The following ADAM23 variants were observed in gnomAD, a reference collection of about 807,000 sequenced individuals.
The protein encoded by ADAM23 is ADAM metallopeptidase domain 23, also known as disintegrin and metalloproteinase domain-containing protein 23.
ADAM23 carries 33 observed loss-of-function variants against 120.1 expected under a neutral mutation model. That is an observed-to-expected ratio of 0.27 (90% CI 0.21 to 0.37). The LOEUF (loss-of-function observed/expected upper bound fraction) is 0.37, where lower values mean the gene tolerates loss of function less well. Among genes scored for constraint, ADAM23 ranks in the 10% least tolerant of loss-of-function variants. The pLI, the probability that ADAM23 is intolerant of heterozygous loss-of-function variation, is 1.00. For missense variants in ADAM23, 862 were observed against 1,058.2 expected (o/e 0.81, Z 2.57); for synonymous variants, 367 against 375.2 (o/e 0.98, Z 0.25).
intron 3 of ADAM23, among the ~76,000 whole-genome samples, chr2:206,506,949 G>A (rs1405480528): frequency 1.3e-5 from 2 of 152,126 alleles, no homozygotes; most frequent in Non-Finnish European, 2.9e-5. Flanking sequence ...GAAAAAGAGT[G>A]GGATGGCTGA....
chr2:206,471,255 G>A (rs908334778), intron 2 of ADAM23, among the ~76,000 whole-genome samples: 1 of 152,272 alleles, frequency 6.6e-6, no homozygotes, highest in South Asian at 2.1e-4. Context: ...AAAATGAACT[G>A]TATAATTACT....
intron 21 of ADAM23, among the ~76,000 whole-genome samples, chr2:206,589,741 T>C (rs1379017773): frequency 6.6e-6 from 1 of 152,204 alleles, no homozygotes. Context: ...TTCAGAAAAT[T>C]TCTCAGGTGC....
chr2:206,598,360 C>A (rs1199698138), intron 24 of ADAM23, among the ~76,000 whole-genome samples: 2 of 152,036 alleles, frequency 1.3e-5, no homozygotes, highest in African/African-American at 4.8e-5. Context: ...AATATCTATT[C>A]CCTGTTCCTT....
At chr2:206,501,937 G>A (rs1158677691) in intron 3 of ADAM23, among the ~76,000 whole-genome samples, 1 of 152,052 alleles carries the variant, frequency 6.6e-6, no homozygotes, top group East Asian at 1.9e-4. Flanking sequence ...GAATTGAAAT[G>A]CAGTAACACA....
chr2:206,598,521 C>G lies in ADAM23; in HGVS notation c.2359+2359C>G, dbSNP rs1231955978. Among the ~76,000 whole-genome samples the G allele has an allele frequency of 2.6e-5, 4 of 152,152 alleles. No homozygotes were observed. The East Asian group carries it at 5.8e-4, about 22-fold the overall frequency. Reference sequence around the variant, plus strand: ...CCACACTACCTTTAAAAAAAAATAACTTTTTTGATCCTTCAAGTAATACAT... The same window carrying G: ...CCACACTACCTTTAAAAAAAAATAAGTTTTTTGATCCTTCAAGTAATACAT... On this transcript the variant is annotated intron_variant, in intron 24 of 25. Transcript: ENST00000264377.
intron 18 of ADAM23, among the ~76,000 whole-genome samples, chr2:206,576,663 T>G (rs1698122453): frequency 6.6e-6 from 1 of 152,182 alleles, no homozygotes; most frequent in Non-Finnish European, 1.5e-5. Flanking sequence ...ACTCTGAGAA[T>G]CAGTATTTAC....
At position 206,610,424 on chromosome 2, in the gene ADAM23, A is replaced by G. The variant is rs1051844438; in HGVS notation, c.2450+424A>G. ...TTTTCACAACCTAAGTAATTATGCA[A>G]TCATTACTTGTATTTTTCATATGTA... On this transcript the variant is annotated intron_variant, in intron 25 of 25. Transcript: ENST00000264377. Among the ~76,000 whole-genome samples the G allele has an allele frequency of 9.8e-5, 15 of 152,362 alleles. 1 individual carries two copies. The highest frequency in any genetic ancestry group is 3.4e-4 in the African/African-American group (14 of 41,588).
At chr2:206,516,844 C>T (rs141950547) in intron 3 of ADAM23, among the ~76,000 whole-genome samples, 2,476 of 152,010 alleles carry the variant, frequency 0.016, 36 homozygotes, top group Non-Finnish European at 0.026. Context: ...GAGCTGGCAC[C>T]CAACCTACCC....
chr2:206,575,788 G>C (rs1000714097), intron 18 of ADAM23, among the ~76,000 whole-genome samples: 53 of 152,108 alleles, frequency 3.5e-4, no homozygotes, highest in African/African-American at 1.3e-3. Context: ...TATGTGGGTA[G>C]GCTTGCTTAT....
chr2:206,459,965 C>T (rs1028046932), intron 2 of ADAM23, among the ~76,000 whole-genome samples: 5 of 152,216 alleles, frequency 3.3e-5, no homozygotes, highest in African/African-American at 1.2e-4. Flanking sequence ...TTCTTCTCTT[C>T]TCCCTGATTT....
At chr2:206,595,056 C>A in intron 23 of ADAM23, 151 bp downstream of exon 23, 2 of 944,454 alleles carry the variant, frequency 2.1e-6, no homozygotes, top group Non-Finnish European at 3.1e-6. Context: ...TGGTGGGCAC[C>A]TGTAGTCCCA....
intron 4 of ADAM23, 22 bp downstream of exon 4, chr2:206,530,970 A>G: frequency 6.2e-6 from 10 of 1,605,024 alleles, no homozygotes; most frequent in Non-Finnish European, 8.5e-6. Flanking sequence ...GGCGTCGGCA[A>G]GTACTCTAGT....
chr2:206,517,554 A>C (rs535494564), intron 3 of ADAM23, among the ~76,000 whole-genome samples: 9 of 151,996 alleles, frequency 5.9e-5, no homozygotes, highest in Non-Finnish European at 1.2e-4. Context: ...GTTATTTTGG[A>C]GAGTCTTGTT....
At chr2:206,499,128 C>A (rs1285966960) in intron 3 of ADAM23, among the ~76,000 whole-genome samples, 2 of 151,766 alleles carry the variant, frequency 1.3e-5, no homozygotes, top group African/African-American at 4.8e-5. Context: ...CCATTTGACC[C>A]AGCCATCCCA....
intron 3 of ADAM23, among the ~76,000 whole-genome samples, chr2:206,529,923 T>C (rs1408719227): frequency 6.6e-6 from 1 of 152,146 alleles, no homozygotes; most frequent in Non-Finnish European, 1.5e-5. Context: ...GCGATTCTTC[T>C]GCCTCAGCCT....
chr2:206,539,441 G>A (rs1379525814), intron 4 of ADAM23, among the ~76,000 whole-genome samples: 2 of 152,124 alleles, frequency 1.3e-5, no homozygotes, highest in African/African-American at 2.4e-5. Context: ...AATTGTCTGA[G>A]GTCTTCCTAA....
In ADAM23 at chr2:206,579,055, A is replaced by G. The variant is rs537953530; in HGVS notation, c.1737+5860A>G. Among the ~76,000 whole-genome samples, 25 of 151,510 alleles carry G rather than the reference A, an allele frequency of 1.7e-4. No individual in the cohort carries two copies. The South Asian group carries it at 2.9e-3, about 18-fold the overall frequency. On this transcript the variant is annotated intron_variant, in intron 18 of 25. Coordinates refer to ENST00000264377, the MANE Select transcript of ADAM23 (RefSeq NM_003812.4). ...GTATATCTTCTTTTGAGAATTGTCTATCCTTAGCCCACTTTTTGATGGGAT... is the reference window on the plus strand; with the variant it reads ...GTATATCTTCTTTTGAGAATTGTCTGTCCTTAGCCCACTTTTTGATGGGAT...
intron 2 of ADAM23, among the ~76,000 whole-genome samples, chr2:206,461,337 A>G (rs1348789914): frequency 3.3e-5 from 5 of 151,958 alleles, no homozygotes; most frequent in Non-Finnish European, 5.9e-5. Context: ...GCGTGATTAC[A>G]GGCGTGACCC....
At chr2:206,502,384 G>GT (rs1239025984) in intron 3 of ADAM23, among the ~76,000 whole-genome samples, 3 of 151,846 alleles carry the variant, frequency 2.0e-5, no homozygotes, top group Non-Finnish European at 2.9e-5. Context: ...TTTTTTGTTT[G>GT]TTTTTTTGGT....
Sources: gnomAD v4.1 joint callset for allele counts (sites outside exome capture counted in the v4.1 genomes callset) on GRCh38, gnomAD v4.1.1 for gene constraint, MANE v1.5 for transcripts, NCBI Gene and HGNC (gene_info 2026-07-23, HGNC 2026-07-21) for gene names.